Variants in EPAS1 observed in about 807,000 individuals in gnomAD.
EPAS1 encodes endothelial PAS domain protein 1.
A neutral mutation model predicts 87.9 loss-of-function variants in EPAS1; 23 were observed. The observed-to-expected ratio is 0.26, with a 90% CI of 0.19 to 0.37. The LOEUF (loss-of-function observed/expected upper bound fraction) is 0.37, where lower values mean the gene tolerates loss of function less well. Ranked by LOEUF, EPAS1 falls within the 10% of genes least tolerant of loss-of-function variation. EPAS1 has a pLI of 1.00. For missense variants in EPAS1, 1,138 were observed against 1,120.7 expected (o/e 1.02, Z -0.22); for synonymous variants, 508 against 444.3 (o/e 1.14, Z -1.80).
intron 7 of EPAS1, among the ~76,000 whole-genome samples, chr2:46,373,018 C>T (rs114066088): frequency 2.2e-4 from 33 of 152,208 alleles, no homozygotes; most frequent in African/African-American, 7.7e-4. Context: ...ATTTGTGGAC[C>T]CAGGTAATAA....
intron 6 of EPAS1, among the ~76,000 whole-genome samples, chr2:46,369,544 T>C (rs1306869128): frequency 6.6e-6 from 1 of 152,136 alleles, no homozygotes; most frequent in Non-Finnish European, 1.5e-5. Flanking sequence ...GACATATGTG[T>C]GTACCGGGGT....
chr2:46,374,764 T>C (rs990987944), intron 7 of EPAS1, among the ~76,000 whole-genome samples: 1 of 152,202 alleles, frequency 6.6e-6, no homozygotes, highest in East Asian at 1.9e-4. Flanking sequence ...AAGAGATTTA[T>C]TGATTCCTTT....
intron 1 of EPAS1, among the ~76,000 whole-genome samples, chr2:46,317,289 A>G (rs1343294494): frequency 6.6e-6 from 1 of 152,176 alleles, no homozygotes; most frequent in Non-Finnish European, 1.5e-5. Flanking sequence ...CTTTGCCCAG[A>G]TTCATCTAGG....
chr2:46,378,042 C>T lies in EPAS1; in HGVS notation c.1398C>T (p.Gly466=), dbSNP rs1487782269. 16 of 1,606,230 alleles carry T rather than the reference C, an allele frequency of 1.0e-5. No homozygotes were observed. Among genetic ancestry groups the T allele is most frequent in the African/African-American group, 2.7e-5 (2 of 74,756 alleles). Residue 466 remains glycine, a synonymous_variant, in exon 10 of 16, where the codon GGC becomes GGT. Coordinates refer to ENST00000263734, the MANE Select transcript of EPAS1 (RefSeq NM_001430.5). The part of the protein sequence containing the change: ...AFTVPQAAAP[G]STTPSATSSS... ...CCGTGCCCCAGGCAGCTGCCCCGGG[C>T]AGCACCACCCCCAGTGCCACCAGCA...
At chr2:46,299,111 G>A (rs1276996888) in intron 1 of EPAS1, among the ~76,000 whole-genome samples, 7 of 152,256 alleles carry the variant, frequency 4.6e-5, no homozygotes, top group African/African-American at 1.4e-4. Flanking sequence ...GTGACTGGCC[G>A]GGAGGGCTCA....
chr2:46,318,720 A>G (rs553219137), intron 1 of EPAS1, among the ~76,000 whole-genome samples: 3 of 152,234 alleles, frequency 2.0e-5, no homozygotes, highest in African/African-American at 7.2e-5. Flanking sequence ...GTTGTAGCAG[A>G]ACTACTTGTA....
intron 1 of EPAS1, among the ~76,000 whole-genome samples, chr2:46,307,853 A>G (rs961183449): frequency 1.3e-5 from 2 of 152,190 alleles, no homozygotes; most frequent in Non-Finnish European, 2.9e-5. Flanking sequence ...TCCTCGGAGC[A>G]CAGAGAATCT....
Position 46,380,565 on chromosome 2 carries a change from G to T in EPAS1, c.1893G>T (p.Met631Ile), listed in dbSNP as rs1175832911. Residue 631 changes from methionine (M) to isoleucine (I), a missense_variant, in exon 12 of 16, where the codon ATG (methionine) becomes ATT (isoleucine). Around this residue, in one of 4 missense-constraint regions of EPAS1, gnomAD observed 502 missense variants for 427.1 expected, o/e 1.18. Transcript: ENST00000263734. The surrounding 1 kb of genome is among the most constrained non-coding windows in gnomAD (Gnocchi z 4.4). The stretch of plus-strand genomic sequence containing the variant: ...AGGCCAGCACCCCTCTCTCTTCCAT[G>T]GGGGGCAGATCCAATACCCAGTGGC... The part of the protein sequence containing the change: ...CGQASTPLSS[M>I]GGRSNTQWPP... The T allele has an allele frequency of 6.2e-7, 1 of 1,614,050 alleles. No homozygotes were observed. The highest frequency in any genetic ancestry group is 1.1e-5 in the South Asian group (1 of 91,070).
intron 1 of EPAS1, among the ~76,000 whole-genome samples, chr2:46,320,140 T>C (rs969375676): frequency 2.1e-4 from 32 of 152,216 alleles, no homozygotes; most frequent in African/African-American, 7.7e-4. Flanking sequence ...TACACCAAAT[T>C]CCTTGACTCT....
intron 7 of EPAS1, among the ~76,000 whole-genome samples, chr2:46,373,739 T>G (rs921483015): frequency 6.6e-6 from 1 of 152,218 alleles, no homozygotes; most frequent in Non-Finnish European, 1.5e-5. Flanking sequence ...ACTGTATACT[T>G]CAAATGGGTG....
rs1057773 is a variant in EPAS1, at chr2:46,384,693, G to A, written c.*33G>A. On this transcript the variant is annotated 3_prime_UTR_variant, in exon 16 of 16. Transcript: ENST00000263734. ...CTTCTACCTGGGCAGCACCTCTGCC[G>A]ACGCCGTCCCACCAGCTTCACTCTC... The A allele has an allele frequency of 1.3e-4, 210 of 1,609,584 alleles. No homozygotes were observed. The highest frequency in any genetic ancestry group is 1.6e-4 in the Non-Finnish European group (192 of 1,178,968).
At chr2:46,358,286 C>G (rs1460950705) in intron 4 of EPAS1, among the ~76,000 whole-genome samples, 2 of 152,198 alleles carry the variant, frequency 1.3e-5, no homozygotes, top group African/African-American at 4.8e-5. Flanking sequence ...CTTCTGCAGG[C>G]CTTAGACCAC....
chr2:46,342,791 G>A lies in EPAS1; in HGVS notation c.27-4082G>A, dbSNP rs570547932. Among the ~76,000 whole-genome samples, 29 of 152,334 alleles carry A rather than the reference G, an allele frequency of 1.9e-4. 1 individual carries two copies. Among genetic ancestry groups the A allele is most frequent in the Admixed American group, 3.9e-4 (6 of 15,308 alleles). ...TGTTTTTAAGATAACGAAGCTCTGGGCAAAGAGGTTTTTCCTGGATGAACT... is the reference window on the plus strand; with the variant it reads ...TGTTTTTAAGATAACGAAGCTCTGGACAAAGAGGTTTTTCCTGGATGAACT... On this transcript the variant is annotated intron_variant, in intron 1 of 15. Transcript: ENST00000263734.
chr2:46,380,056 C>A lies in EPAS1; in HGVS notation c.1555-171C>A. On this transcript the variant is annotated intron_variant, in intron 11 of 15. Transcript: ENST00000263734. The surrounding 1 kb of genome is among the most constrained non-coding windows in gnomAD (Gnocchi z 4.4). Reference sequence around the variant, plus strand: ...ACATGATACAAGGTCGTGTACATGACACAGCCAAGTCTGAGGTTTTCCTGA... The same window carrying A: ...ACATGATACAAGGTCGTGTACATGAAACAGCCAAGTCTGAGGTTTTCCTGA... The A allele has an allele frequency of 2.0e-6, 2 of 1,015,774 alleles. No homozygotes were observed. Among genetic ancestry groups the A allele is most frequent in the Non-Finnish European group, 3.1e-6 (2 of 655,270 alleles). The allele number at this position is 1,015,774 out of a possible 1,614,324, so 62.9% of individuals were successfully genotyped here.
At chr2:46,381,899 G>C (rs905973850) in intron 13 of EPAS1, 76 bp from the exon 14 acceptor site, 51 of 1,346,832 alleles carry the variant, frequency 3.8e-5, no homozygotes, top group Non-Finnish European at 4.8e-5. Context: ...CCTGTTCCAG[G>C]CCCACCCAAC....
At chr2:46,306,767 T>C (rs1683114949) in intron 1 of EPAS1, among the ~76,000 whole-genome samples, 1 of 152,222 alleles carries the variant, frequency 6.6e-6, no homozygotes, top group Non-Finnish European at 1.5e-5. Flanking sequence ...TCCTTCTGCA[T>C]TTCAAGACAA....
intron 7 of EPAS1, 89 bp downstream of exon 7, chr2:46,370,022 TCACTTCCTCCA>T: frequency 1.0e-6 from 1 of 966,012 alleles, no homozygotes; most frequent in South Asian, 1.4e-5. Flanking sequence ...GAAGACCAGG[TCACTTCCTCCA>T]CAGAGCTGCT....
chr2:46,321,062 G>A (rs193147831), intron 1 of EPAS1, among the ~76,000 whole-genome samples: 5 of 152,034 alleles, frequency 3.3e-5, no homozygotes, highest in Non-Finnish European at 5.9e-5. Context: ...TCCAATCCCC[G>A]ATAATCACTA....
Position 46,384,626 on chromosome 2 carries a change from G to A in EPAS1, c.2579G>A (p.Gly860Glu). ...GGAAGCTCCACGCTCCTGCAAGGAG[G>A]GGACCTCCTCAGAGCCCTGGACCAG... The part of the protein sequence containing the change: ...VLGSSTLLQG[G>E]DLLRALDQAT Residue 860 changes from glycine to glutamate, a missense_variant, in exon 16 of 16, where the codon GGG (glycine) becomes GAG (glutamate). Coordinates refer to ENST00000263734, the MANE Select transcript of EPAS1 (RefSeq NM_001430.5). 3 of 1,614,022 alleles carry A rather than the reference G, an allele frequency of 1.9e-6. No individual in the cohort carries two copies. The highest frequency in any genetic ancestry group is 2.5e-6 in the Non-Finnish European group (3 of 1,180,032).
Sources: gnomAD v4.1 joint callset for allele counts (sites outside exome capture counted in the v4.1 genomes callset) on GRCh38, gnomAD v4.1.1 for gene constraint, gnomAD v4.1.1 regional missense constraint, Gnocchi (gnomAD v3.1) non-coding constraint, MANE v1.5 for transcripts, NCBI Gene and HGNC (gene_info 2026-07-23, HGNC 2026-07-21) for gene names.